The following ARPP21 variants were observed in gnomAD, a reference collection of about 807,000 sequenced individuals.
The protein encoded by ARPP21 is cAMP-regulated phosphoprotein 21.
ARPP21 carries 69 observed loss-of-function variants against 113.2 expected under a neutral mutation model. The ratio of observed to expected loss-of-function variants is 0.61; its 90% CI spans 0.50 to 0.74. The LOEUF (loss-of-function observed/expected upper bound fraction) is 0.74, where lower values mean the gene tolerates loss of function less well. Among genes scored for constraint, ARPP21 ranks in the 30% least tolerant of loss-of-function variants. ARPP21 has a pLI of 0.00. For missense variants in ARPP21, 1,070 were observed against 1,037.4 expected, an observed-to-expected ratio of 1.03 and a Z score of -0.43; for synonymous variants, 368 against 375.5, an observed-to-expected ratio of 0.98 and a Z score of 0.23.
intron 19 of ARPP21, among the ~76,000 whole-genome samples, chr3:35,791,883 A>T (rs1379160199): frequency 1.1e-4 from 16 of 152,202 alleles, no homozygotes; most frequent in Non-Finnish European, 2.9e-5. Flanking sequence ...TCACTAGGAC[A>T]TAAAAAAATA....
chr3:35,779,861 C>T (rs887295264), intron 19 of ARPP21, among the ~76,000 whole-genome samples: 1 of 152,162 alleles, frequency 6.6e-6, no homozygotes, highest in Non-Finnish European at 1.5e-5. Context: ...CTTTTAGTCC[C>T]TTTCCATATT....
intron 19 of ARPP21, among the ~76,000 whole-genome samples, chr3:35,771,799 G>T (rs1407148787): frequency 6.6e-6 from 1 of 152,148 alleles, no homozygotes; most frequent in African/African-American, 2.4e-5. Flanking sequence ...GGGAATTATA[G>T]TCAAGAAGGA....
intron 1 of ARPP21, among the ~76,000 whole-genome samples, chr3:35,657,764 T>A (rs1301021221): frequency 1.3e-5 from 2 of 152,094 alleles, no homozygotes; most frequent in Non-Finnish European, 2.9e-5. Flanking sequence ...GCCTCTGGTC[T>A]GCTTCATTCC....
chr3:35,740,729 C>A (rs2094602068), intron 18 of ARPP21, among the ~76,000 whole-genome samples: 2 of 152,032 alleles, frequency 1.3e-5, no homozygotes, highest in Non-Finnish European at 2.9e-5. Context: ...GTTTAAGTGT[C>A]CTTACTAATT....
intron 18 of ARPP21, among the ~76,000 whole-genome samples, chr3:35,740,280 G>A (rs2150777296): frequency 6.6e-6 from 1 of 152,270 alleles, no homozygotes; most frequent in Non-Finnish European, 1.5e-5. Context: ...GATTAGAAGT[G>A]ATTACTGTCA....
rs1201225662 is a variant in ARPP21, at chr3:35,793,852, G to C, written c.2438G>C (p.Arg813Thr). ...VTPPTPQNNL[R>T]LIGPHCPSST... Reference sequence around the variant, plus strand: ...CCGCCCACCCCTCAGAACAACCTTAGGCTGATTGGCCCACACTGCCCCTCC... The same window carrying C: ...CCGCCCACCCCTCAGAACAACCTTACGCTGATTGGCCCACACTGCCCCTCC... Residue 813 changes from arginine (R) to threonine (T), a missense_variant, in exon 21 of 21, where the codon AGG becomes ACG. Physicochemically the swap from Arg to Thr is moderately conservative, Grantham distance 71. Coordinates refer to ENST00000684406, the MANE Select transcript of ARPP21 (RefSeq NM_001385562.1). 6.2e-7 allele frequency: 1 copy of C among 1,614,066 alleles called. No homozygotes were observed. Among genetic ancestry groups the C allele is most frequent in the African/African-American group, 1.3e-5 (1 of 74,934 alleles).
At chr3:35,666,917 G>A (rs2074517544) in intron 1 of ARPP21, among the ~76,000 whole-genome samples, 2 of 152,176 alleles carry the variant, frequency 1.3e-5, no homozygotes, top group African/African-American at 4.8e-5. Flanking sequence ...CTACCCACCT[G>A]AATTGCCACT....
chr3:35,761,237 C>A (rs1210337084), intron 19 of ARPP21, among the ~76,000 whole-genome samples: 3 of 152,024 alleles, frequency 2.0e-5, no homozygotes, highest in African/African-American at 7.2e-5. Flanking sequence ...TCTAATACAG[C>A]AAATGTTTGC....
At chr3:35,668,745 ACTT>A (rs2075590649) in intron 1 of ARPP21, among the ~76,000 whole-genome samples, 2 of 152,164 alleles carry the variant, frequency 1.3e-5, no homozygotes, top group African/African-American at 4.8e-5. Context: ...ATATGCTTAG[ACTT>A]CTTTGGTACT....
At chr3:35,737,474 C>T in intron 16 of ARPP21, 112 bp downstream of exon 16, 1 of 645,830 alleles carries the variant, frequency 1.5e-6, no homozygotes, top group Non-Finnish European at 2.4e-6. Context: ...TCAAGCCTCA[C>T]AAATAAAACC....
chr3:35,653,486 T>C (rs1382541430), intron 1 of ARPP21, among the ~76,000 whole-genome samples: 1 of 152,022 alleles, frequency 6.6e-6, no homozygotes, highest in African/African-American at 2.4e-5. Context: ...GAAATTTGTC[T>C]GCATGCTTCA....
chr3:35,649,096 T>C (rs895887259), intron 1 of ARPP21, among the ~76,000 whole-genome samples: 3 of 152,218 alleles, frequency 2.0e-5, no homozygotes, highest in African/African-American at 7.2e-5. Context: ...TTGGCTAGTA[T>C]AGTGCTTGCA....
In ARPP21 at chr3:35,684,237, T is replaced by C. The variant is rs935972724; in HGVS notation, c.261+422T>C. 6 of 1,269,440 alleles carry C rather than the reference T, an allele frequency of 4.7e-6. No homozygotes were observed. The African/African-American group carries it at 7.5e-5, about 16-fold the overall frequency. 78.6% of individuals were successfully genotyped at this position (1,269,440 alleles called of 1,614,324 possible). A position where few individuals can be genotyped will look rare whatever the true frequency, so the allele number is the denominator to read the frequency against. ...TGCCTATAAGAAACACAATTGCTGG[T>C]TCATATGAAACTTAGGAAATAGTGA... On this transcript the variant is annotated intron_variant, in intron 5 of 20. Coordinates refer to ENST00000684406, the MANE Select transcript of ARPP21 (RefSeq NM_001385562.1).
chr3:35,735,020 T>C (rs2150618787), intron 15 of ARPP21, among the ~76,000 whole-genome samples: 1 of 152,370 alleles, frequency 6.6e-6, no homozygotes, highest in South Asian at 2.1e-4. Flanking sequence ...TCCCATGTTA[T>C]AACAGTCTGT....
chr3:35,775,635 AAGTT>A (rs1176141779), intron 19 of ARPP21, among the ~76,000 whole-genome samples: 1 of 152,176 alleles, frequency 6.6e-6, no homozygotes, highest in Non-Finnish European at 1.5e-5. Context: ...TATTAAAACA[AAGTT>A]AGGAGTCAGA....
In ARPP21 at chr3:35,717,337, T is replaced by C; in HGVS notation, c.975T>C (p.Tyr325=). ...LEDSNICNET[Y]KKRQLFRGNR... ...ACAGTAACATATGCAATGAGACCTATAAGAAAAGACAGCTCTTTCGGTTGG... is the reference window on the plus strand; with the variant it reads ...ACAGTAACATATGCAATGAGACCTACAAGAAAAGACAGCTCTTTCGGTTGG... The change falls in exon 13 of 21, where the codon TAT becomes TAC. Residue 325 remains tyrosine (Y), a synonymous_variant. Coordinates refer to ENST00000684406, the MANE Select transcript of ARPP21 (RefSeq NM_001385562.1). 1.9e-6 allele frequency: 3 copies of C among 1,606,640 alleles called. No homozygotes were observed. The highest frequency in any genetic ancestry group is 2.6e-6 in the Non-Finnish European group (3 of 1,173,512).
chr3:35,692,484 T>C (rs1226268259), intron 9 of ARPP21, among the ~76,000 whole-genome samples: 5 of 151,692 alleles, frequency 3.3e-5, no homozygotes, highest in African/African-American at 4.8e-5. Context: ...TTCCTTTTAA[T>C]TTTTTTCTTC....
intron 19 of ARPP21, among the ~76,000 whole-genome samples, chr3:35,781,071 T>C (rs1333202247): frequency 6.6e-6 from 1 of 152,088 alleles, no homozygotes; most frequent in Non-Finnish European, 1.5e-5. Flanking sequence ...GACCACGTGG[T>C]CCTGCTATGT....
chr3:35,741,955 A>G (rs911287476), intron 18 of ARPP21, among the ~76,000 whole-genome samples: 1 of 152,194 alleles, frequency 6.6e-6, no homozygotes, highest in African/African-American at 2.4e-5. Flanking sequence ...CAAGTAGCCA[A>G]ATCTCTAGCA....
Sources: allele counts gnomAD v4.1 joint callset (sites outside exome capture counted in the v4.1 genomes callset), GRCh38; gene constraint gnomAD v4.1.1; transcripts MANE v1.5; gene names NCBI Gene and HGNC (gene_info 2026-07-23, HGNC 2026-07-21).